The following DAPK1 variants were observed in gnomAD, a reference collection of about 807,000 sequenced individuals.
DAPK1 encodes the protein death-associated protein kinase 1.
A neutral mutation model predicts 144.9 loss-of-function variants in DAPK1; 56 were observed. That is an observed-to-expected ratio of 0.39 (90% CI 0.31 to 0.48). DAPK1 has a LOEUF of 0.48. DAPK1 is among the 20% of genes least tolerant of loss of function. The pLI is 0.95. For synonymous variants in DAPK1, 690 were observed against 749.0 expected, an observed-to-expected ratio of 0.92 and a Z score of 1.29; for missense variants, 1,454 against 1,875.4, an observed-to-expected ratio of 0.78 and a Z score of 4.15.
At chr9:87,701,969 T>G (rs952143386) in intron 24 of DAPK1, 30 of 442,376 alleles carry the variant, frequency 6.8e-5, no homozygotes, top group African/African-American at 5.7e-4. Flanking sequence ...GAACTAACAG[T>G]GGTCTCTGAG....
At chr9:87,574,206 C>A (rs908497343) in intron 2 of DAPK1, among the ~76,000 whole-genome samples, 1 of 152,210 alleles carries the variant, frequency 6.6e-6, no homozygotes, top group African/African-American at 2.4e-5. Context: ...TTGGTCAGAA[C>A]ATAACAACAT....
At chr9:87,692,217 C>A (rs1421064400) in intron 21 of DAPK1, among the ~76,000 whole-genome samples, 1 of 148,304 alleles carries the variant, frequency 6.7e-6, no homozygotes, top group Non-Finnish European at 1.5e-5. Flanking sequence ...TGAATTGATC[C>A]CTTTTGCATT....
rs776500211 is a variant in DAPK1, at chr9:87,658,139, C to T, written c.1923+12C>T. ...AGGCGCTGACCACGGTGAGTGCCCA[C>T]AGGGCTTCGTGAAGGAGGGAGCTGC... On this transcript the variant is annotated intron_variant, in intron 18 of 25. Coordinates refer to ENST00000408954, the MANE Select transcript of DAPK1 (RefSeq NM_004938.4). The T allele has an allele frequency of 5.3e-6, 6 of 1,134,108 alleles. No homozygotes were observed. Among genetic ancestry groups the T allele is most frequent in the African/African-American group, 1.5e-5 (1 of 65,594 alleles). 70.3% of individuals were successfully genotyped at this position (1,134,108 alleles called of 1,614,324 possible).
chr9:87,517,671 G>A (rs1373655016), intron 2 of DAPK1, among the ~76,000 whole-genome samples: 2 of 152,190 alleles, frequency 1.3e-5, no homozygotes, highest in African/African-American at 2.4e-5. Context: ...AAGATGCATA[G>A]TGTGTTGTGC....
intron 3 of DAPK1, among the ~76,000 whole-genome samples, chr9:87,624,480 C>T (rs888338): frequency 0.49 from 74,613 of 152,074 alleles, 19,416 homozygotes; most frequent in East Asian, 0.78. Context: ...TTCTATTGGT[C>T]GAGCAGGCAC....
At chr9:87,638,381 A>G (rs1370546468) in intron 4 of DAPK1, among the ~76,000 whole-genome samples, 1 of 152,268 alleles carries the variant, frequency 6.6e-6, no homozygotes, top group African/African-American at 2.4e-5. Context: ...GCCAGCAGCT[A>G]GTGACTGGCA....
chr9:87,645,242 T>C (rs1188957405), intron 11 of DAPK1, among the ~76,000 whole-genome samples: 1 of 152,234 alleles, frequency 6.6e-6, no homozygotes, highest in African/African-American at 2.4e-5. Context: ...TGTTCACTAC[T>C]CTTCCAGTTA....
upstream of DAPK1, among the ~76,000 whole-genome samples, chr9:87,497,472 T>C (rs1824206969): frequency 6.6e-6 from 1 of 152,238 alleles, no homozygotes; most frequent in African/African-American, 2.4e-5. Context: ...TTTTGTTCTA[T>C]GTGATTTTCC....
chr9:87,532,901 G>A (rs923034901), intron 2 of DAPK1, among the ~76,000 whole-genome samples: 50 of 152,170 alleles, frequency 3.3e-4, no homozygotes, highest in Middle Eastern at 3.4e-3. Flanking sequence ...ACAATCATCT[G>A]TCCATCTCAG....
intron 2 of DAPK1, among the ~76,000 whole-genome samples, chr9:87,514,835 A>G (rs937715046): frequency 2.6e-5 from 4 of 152,244 alleles, no homozygotes; most frequent in African/African-American, 9.6e-5. Flanking sequence ...TATGGAACCC[A>G]TATCCTCGTG....
At chr9:87,695,065 A>G (rs180764965) in intron 21 of DAPK1, among the ~76,000 whole-genome samples, 216 of 149,644 alleles carry the variant, frequency 1.4e-3, no homozygotes, top group African/African-American at 5.1e-3. Context: ...TGAGCTCCCC[A>G]GAGCAGAGCT....
intron 10 of DAPK1, among the ~76,000 whole-genome samples, chr9:87,642,445 C>T (rs972758871): frequency 1.3e-5 from 2 of 152,036 alleles, no homozygotes; most frequent in Non-Finnish European, 2.9e-5. Flanking sequence ...GTCTCTCAGC[C>T]CAGCCTTTAT....
rs372000773 is a variant in DAPK1 at position 87,698,678 on chromosome 9, C to A, written c.2634C>A (p.Asn878Lys). The change falls in exon 23 of 26, where the codon AAC becomes AAA. Residue 878 changes from asparagine (N) to lysine (K), a missense_variant. By Grantham distance (94) the Asn-to-Lys change is moderately conservative. This residue lies in a region of DAPK1 where 1,025 missense variants were observed against 1,237.9 expected (regional missense o/e 0.83). Transcript: ENST00000408954. The stretch of plus-strand genomic sequence containing the variant: ...CAGCCTTCGGTGGCAAGCTGAAGAA[C>A]CCACTCCAAGTTGTCCTGGTGGCCA... The part of the protein sequence containing the change: ...EPIAFGGKLK[N>K]PLQVVLVATH... The A allele has an allele frequency of 2.5e-6, 4 of 1,606,488 alleles. No homozygotes were observed. Among genetic ancestry groups the A allele is most frequent in the African/African-American group, 2.7e-5 (2 of 74,878 alleles).
chr9:87,581,013 G>C (rs1442414344), intron 2 of DAPK1, among the ~76,000 whole-genome samples: 1 of 152,228 alleles, frequency 6.6e-6, no homozygotes. Context: ...CTCAGCTACA[G>C]AGTTAGCAGA....
At chr9:87,561,692 A>G (rs1826931228) in intron 2 of DAPK1, among the ~76,000 whole-genome samples, 2 of 152,138 alleles carry the variant, frequency 1.3e-5, no homozygotes, top group African/African-American at 4.8e-5. Context: ...TTTGATAGGC[A>G]TTGCATTTGG....
chr9:87,585,169 T>G (rs1160236816), intron 2 of DAPK1, among the ~76,000 whole-genome samples: 2 of 152,268 alleles, frequency 1.3e-5, no homozygotes, highest in Non-Finnish European at 2.9e-5. Context: ...TCCTTTTCTA[T>G]GCAGAAACTT....
In DAPK1 at chr9:87,703,023, C is replaced by G. The variant is rs373356411; in HGVS notation, c.2872-6C>G. On this transcript the variant is annotated splice_polypyrimidine_tract_variant and splice_region_variant and intron_variant, in intron 24 of 25. Transcript: ENST00000408954. The stretch of plus-strand genomic sequence containing the variant: ...GAGTTAACCTGTCTGGCCCTGCCCC[C>G]TCTAGGTCTGTCCTCCCATGACTCA... The G allele has an allele frequency of 8.6e-6, 13 of 1,511,826 alleles. No individual in the cohort carries two copies. Among genetic ancestry groups the G allele is most frequent in the African/African-American group, 1.4e-5 (1 of 72,776 alleles). 93.7% of individuals were successfully genotyped at this position (1,511,826 alleles called of 1,614,324 possible). A position where few individuals can be genotyped will look rare whatever the true frequency, so the allele number is the denominator to read the frequency against.
At chr9:87,641,285 C>T (rs921143516) in intron 9 of DAPK1, among the ~76,000 whole-genome samples, 8 of 152,192 alleles carry the variant, frequency 5.3e-5, no homozygotes, top group Non-Finnish European at 7.3e-5. Flanking sequence ...GGGAACAGGG[C>T]GCCCTGGAAC....
intron 21 of DAPK1, among the ~76,000 whole-genome samples, chr9:87,689,064 T>C (rs1463604455): frequency 2.6e-5 from 4 of 152,200 alleles, no homozygotes; most frequent in Non-Finnish European, 5.9e-5. Flanking sequence ...TCTTATAGTT[T>C]TGAGGTTTTA....
Sources: gnomAD v4.1 joint callset for allele counts (sites outside exome capture counted in the v4.1 genomes callset) on GRCh38, gnomAD v4.1.1 for gene constraint, gnomAD v4.1.1 regional missense constraint, MANE v1.5 for transcripts, NCBI Gene and HGNC (gene_info 2026-07-23, HGNC 2026-07-21) for gene names.